Variants in CTNND2 observed in about 807,000 individuals in gnomAD.
CTNND2 encodes catenin delta 2.
A neutral mutation model predicts 144.4 loss-of-function variants in CTNND2; 22 were observed. That is an observed-to-expected ratio of 0.15 (90% CI 0.11 to 0.22). The LOEUF (loss-of-function observed/expected upper bound fraction) is 0.22, where lower values mean the gene tolerates loss of function less well. CTNND2 is among the 10% of genes least tolerant of loss of function. The pLI is 1.00. For synonymous variants in CTNND2, 751 were observed against 695.6 expected (o/e 1.08, Z -1.25); for missense variants, 1,353 against 1,618.8 (o/e 0.84, Z 2.82).
At chr5:11,055,638 C>G (rs1346261239) in intron 16 of CTNND2, among the ~76,000 whole-genome samples, 1 of 152,174 alleles carries the variant, frequency 6.6e-6, no homozygotes, top group Non-Finnish European at 1.5e-5. Flanking sequence ...CCTCCATCTC[C>G]CCAGTTAGGA....
chr5:11,607,942 T>C (rs925016493), intron 2 of CTNND2, among the ~76,000 whole-genome samples: 4 of 152,192 alleles, frequency 2.6e-5, no homozygotes, highest in Admixed American at 6.5e-5. Flanking sequence ...TTATCAACCA[T>C]AAAAAACCCA....
At chr5:10,977,277 C>T (rs552401432) in intron 21 of CTNND2, among the ~76,000 whole-genome samples, 7 of 152,286 alleles carry the variant, frequency 4.6e-5, no homozygotes, top group South Asian at 4.2e-4. Context: ...CTCAAGATTC[C>T]GGTTTTGTTA....
chr5:11,840,446 G>T (rs975182846), intron 1 of CTNND2, among the ~76,000 whole-genome samples: 1 of 152,152 alleles, frequency 6.6e-6, no homozygotes, highest in Admixed American at 6.5e-5. Flanking sequence ...CACCCAGAGA[G>T]ATGGGAAACC....
At chr5:11,578,129 C>T (rs1778107430) in intron 2 of CTNND2, among the ~76,000 whole-genome samples, 1 of 152,122 alleles carries the variant, frequency 6.6e-6, no homozygotes, top group African/African-American at 2.4e-5. Flanking sequence ...GCTCCTGCTC[C>T]TCATTGCCTC....
At chr5:11,763,184 G>T (rs1253099880) in intron 1 of CTNND2, among the ~76,000 whole-genome samples, 2 of 152,086 alleles carry the variant, frequency 1.3e-5, no homozygotes, top group African/African-American at 4.8e-5. Context: ...GTTTCCTGAG[G>T]CCTCTCCAGC....
intron 16 of CTNND2, among the ~76,000 whole-genome samples, chr5:11,076,036 C>G (rs1748913576): frequency 6.6e-6 from 1 of 152,216 alleles, no homozygotes; most frequent in Non-Finnish European, 1.5e-5. Flanking sequence ...TAGCAAAGTG[C>G]TAGACACTGT....
At chr5:11,151,624 A>C (rs1424196841) in intron 12 of CTNND2, among the ~76,000 whole-genome samples, 2 of 152,250 alleles carry the variant, frequency 1.3e-5, no homozygotes, top group Non-Finnish European at 2.9e-5. Context: ...TTTTAAAAGA[A>C]GCCCATATTT....
At chr5:11,205,226 T>A (rs770688243) in intron 10 of CTNND2, among the ~76,000 whole-genome samples, 3 of 152,068 alleles carry the variant, frequency 2.0e-5, no homozygotes, top group Admixed American at 1.3e-4. Flanking sequence ...TACACATATA[T>A]AGTATACACA....
intron 2 of CTNND2, among the ~76,000 whole-genome samples, chr5:11,628,624 C>G (rs1781271640): frequency 6.6e-6 from 1 of 152,156 alleles, no homozygotes; most frequent in African/African-American, 2.4e-5. Flanking sequence ...CTGGGAGTTA[C>G]TTGGCCTCTA....
At chr5:11,695,870 C>G (rs1481000170) in intron 2 of CTNND2, among the ~76,000 whole-genome samples, 2 of 152,130 alleles carry the variant, frequency 1.3e-5, no homozygotes, top group Non-Finnish European at 2.9e-5. Flanking sequence ...TAAAGTCTTA[C>G]ACTGTTTTTA....
intron 1 of CTNND2, among the ~76,000 whole-genome samples, chr5:11,737,026 TGTC>T (rs1397150342): frequency 1.8e-5 from 2 of 111,644 alleles, no homozygotes; most frequent in Admixed American, 1.7e-4. Context: ...GTTATCTACC[TGTC>T]TTTTATATGT....
intron 11 of CTNND2, among the ~76,000 whole-genome samples, chr5:11,162,787 T>C (rs1008513399): frequency 1.3e-5 from 2 of 151,446 alleles, no homozygotes; most frequent in South Asian, 2.1e-4. Flanking sequence ...GGTTTAAGCA[T>C]AGAAGCAGCA....
intron 5 of CTNND2, among the ~76,000 whole-genome samples, chr5:11,404,073 A>C (rs1398617527): frequency 6.6e-6 from 1 of 152,202 alleles, no homozygotes; most frequent in East Asian, 1.9e-4. Flanking sequence ...GTCACTCAAA[A>C]TGTTTCCAAC....
At chr5:11,482,783 G>A (rs1049778637) in intron 3 of CTNND2, among the ~76,000 whole-genome samples, 6 of 152,110 alleles carry the variant, frequency 3.9e-5, no homozygotes, top group Non-Finnish European at 8.8e-5. Context: ...TGAGAAGTCC[G>A]TGATGCTGGA....
chr5:11,286,044 A>G (rs1747715061), intron 9 of CTNND2, among the ~76,000 whole-genome samples: 1 of 152,084 alleles, frequency 6.6e-6, no homozygotes, highest in African/African-American at 2.4e-5. Context: ...AGCAATTGAT[A>G]TCCACATGAA....
chr5:11,692,309 A>G (rs1784947194), intron 2 of CTNND2, among the ~76,000 whole-genome samples: 1 of 152,252 alleles, frequency 6.6e-6, no homozygotes, highest in African/African-American at 2.4e-5. Flanking sequence ...AAAGAATATG[A>G]TTCCCAACTC....
intron 12 of CTNND2, among the ~76,000 whole-genome samples, chr5:11,118,881 G>A (rs554351595): frequency 6.6e-6 from 1 of 152,214 alleles, no homozygotes; most frequent in South Asian, 2.1e-4. Context: ...CTCTGCTTCA[G>A]ATGGCCAAGA....
At chr5:11,605,284 T>C (rs1280773511) in intron 2 of CTNND2, among the ~76,000 whole-genome samples, 1 of 152,208 alleles carries the variant, frequency 6.6e-6, no homozygotes, top group East Asian at 1.9e-4. Flanking sequence ...TTATACACAA[T>C]GACCACGTTT....
chr5:11,464,999 G>A (rs1206229793), intron 3 of CTNND2, among the ~76,000 whole-genome samples: 1 of 152,120 alleles, frequency 6.6e-6, no homozygotes, highest in African/African-American at 2.4e-5. Flanking sequence ...TGCAGGCTTT[G>A]TTTCTTCTAG....
Sources: allele counts gnomAD v4.1 joint callset (sites outside exome capture counted in the v4.1 genomes callset), GRCh38; gene constraint gnomAD v4.1.1; transcripts MANE v1.5; gene names NCBI Gene and HGNC (gene_info 2026-07-23, HGNC 2026-07-21).